Variants in DAB1 observed in about 807,000 individuals in gnomAD.
DAB1 encodes the protein disabled homolog 1.
Under a neutral mutation model 64.6 loss-of-function variants are expected in DAB1, and 15 were observed. That is an observed-to-expected ratio of 0.23 (90% CI 0.16 to 0.36). The LOEUF is 0.36. DAB1 is among the 10% of genes least tolerant of loss of function. The probability of loss-of-function intolerance (pLI) is 1.00; values close to 1 mark genes in which losing one functional copy is unlikely to be tolerated. For missense variants in DAB1, 596 were observed against 706.7 expected (o/e 0.84, Z 1.78); for synonymous variants, 235 against 251.9 (o/e 0.93, Z 0.64).
intron 2 of DAB1, among the ~76,000 whole-genome samples, chr1:57,241,220 C>T (rs1332436775): frequency 6.6e-6 from 1 of 152,140 alleles, no homozygotes; most frequent in Admixed American, 6.5e-5. Context: ...ACCCATCAGT[C>T]AACACAGTTC....
At chr1:58,007,654 G>A (rs762915819) in intron 5 of DAB1, among the ~76,000 whole-genome samples, 4 of 152,206 alleles carry the variant, frequency 2.6e-5, no homozygotes, top group South Asian at 2.1e-4. Context: ...AGGCAGAACA[G>A]TGTGGTCTCT....
intron 5 of DAB1, among the ~76,000 whole-genome samples, chr1:58,064,427 G>A (rs1012399528): frequency 2.6e-5 from 4 of 152,090 alleles, no homozygotes; most frequent in African/African-American, 7.2e-5. Context: ...CCAGCTCTTC[G>A]AAGTGCCCAT....
intron 2 of DAB1, among the ~76,000 whole-genome samples, chr1:58,510,181 A>G (rs1428488665): frequency 1.3e-5 from 2 of 152,140 alleles, no homozygotes; most frequent in African/African-American, 4.8e-5. Context: ...ACACTACAAA[A>G]AAAAATTACG....
intron 2 of DAB1, among the ~76,000 whole-genome samples, chr1:57,196,071 G>C (rs199780993): frequency 6.6e-6 from 1 of 152,142 alleles, no homozygotes; most frequent in African/African-American, 2.4e-5. Flanking sequence ...AGAGTGGGAT[G>C]AAGAAGGGCC....
intron 4 of DAB1, among the ~76,000 whole-genome samples, chr1:58,300,606 AAGAAAGAGAGAG>A (rs1449165457): frequency 8.2e-4 from 31 of 37,990 alleles, no homozygotes; most frequent in South Asian, 1.1e-3. Context: ...GAAAGAAAGA[AAGAAAGAGAGAG>A]AGAGAGAGAG....
At chr1:57,014,007 G>A (rs910510035) in intron 12 of DAB1, among the ~76,000 whole-genome samples, 3 of 152,168 alleles carry the variant, frequency 2.0e-5, no homozygotes, top group Non-Finnish European at 4.4e-5. Flanking sequence ...TGTGGTGGAG[G>A]AGTCAACACC....
chr1:58,123,967 T>G (rs968739752), intron 5 of DAB1, among the ~76,000 whole-genome samples: 1 of 152,090 alleles, frequency 6.6e-6, no homozygotes, highest in Non-Finnish European at 1.5e-5. Context: ...AAGAATTATA[T>G]GAATTGTAGA....
chr1:56,997,150 T>C lies in DAB1; in HGVS notation c.*994A>G, dbSNP rs184394547. ...AATTGTACCAGAATTATTTGGCAAA[T>C]GACTTTTCTTTGAAAATGGCACGTG... is the stretch of plus-strand genomic sequence containing the variant. On this transcript the variant is annotated 3_prime_UTR_variant, in exon 15 of 15. Transcript: ENST00000371236. 5.9e-5 allele frequency: 9 copies of C among 152,330 alleles called. No individual in the cohort carries two copies. Among genetic ancestry groups the C allele is most frequent in the African/African-American group, 2.2e-4 (9 of 41,590 alleles). 9.4% of individuals were successfully genotyped at this position (152,330 alleles called of 1,614,324 possible).
At chr1:57,478,586 C>CTTTTTTTTTTTTTTTTTTT (rs35538831) in intron 7 of DAB1, among the ~76,000 whole-genome samples, 2 of 81,226 alleles carry the variant, frequency 2.5e-5, no homozygotes, top group African/African-American at 5.3e-5. Flanking sequence ...TATTCCCATT[C>CTTTTTTTTTTTTTTTTTTT]TTTTTTTTTT....
chr1:58,394,793 C>T (rs1273205719), intron 3 of DAB1, among the ~76,000 whole-genome samples: 1 of 151,970 alleles, frequency 6.6e-6, no homozygotes, highest in African/African-American at 2.4e-5. Flanking sequence ...ACTTTGGGGG[C>T]CAATGAAAGT....
intron 12 of DAB1, among the ~76,000 whole-genome samples, chr1:57,013,921 C>T (rs1210205294): frequency 6.6e-6 from 1 of 152,160 alleles, no homozygotes; most frequent in Non-Finnish European, 1.5e-5. Context: ...CACTGCTCAT[C>T]CAAGCCAATT....
rs115977410 is a variant in DAB1, at chr1:57,444,174, C to T, written n.626-153008G>A. On this transcript the variant is annotated intron_variant and non_coding_transcript_variant, in intron 7 of 20. Coordinates refer to the DAB1 transcript ENST00000485760. ...CCCTCCAATGGCTTCTCCCCAGGCA[C>T]CTACTCTTATAAACTCTTGATGTTC... Among the ~76,000 whole-genome samples, 760 of 152,244 alleles carry T rather than the reference C, an allele frequency of 5.0e-3. 4 individuals carry two copies. Among genetic ancestry groups the T allele is most frequent in the Middle Eastern group, 6.8e-3 (2 of 294 alleles).
chr1:58,158,496 C>G (rs1655338653), intron 4 of DAB1, among the ~76,000 whole-genome samples: 1 of 152,136 alleles, frequency 6.6e-6, no homozygotes, highest in African/African-American at 2.4e-5. Context: ...CTACCAAAGG[C>G]TGCTCTATCT....
intron 4 of DAB1, among the ~76,000 whole-genome samples, chr1:58,159,953 A>T (rs1655432978): frequency 6.6e-6 from 1 of 152,194 alleles, no homozygotes; most frequent in African/African-American, 2.4e-5. Flanking sequence ...TATCTACTAG[A>T]GACAAATTCC....
At chr1:57,600,237 A>G (rs1236817725) in intron 7 of DAB1, among the ~76,000 whole-genome samples, 1 of 152,198 alleles carries the variant, frequency 6.6e-6, no homozygotes, top group Non-Finnish European at 1.5e-5. Flanking sequence ...CTTGTTCACC[A>G]TCATCTCGCT....
At chr1:57,159,729 G>A (rs905595526) in intron 2 of DAB1, among the ~76,000 whole-genome samples, 1 of 151,764 alleles carries the variant, frequency 6.6e-6, no homozygotes, top group Non-Finnish European at 1.5e-5. Flanking sequence ...GGGCCCAAAG[G>A]TCTCAGGTAC....
At chr1:57,526,062 C>G (rs1033557200) in intron 7 of DAB1, among the ~76,000 whole-genome samples, 7 of 151,824 alleles carry the variant, frequency 4.6e-5, no homozygotes, top group Non-Finnish European at 7.4e-5. Flanking sequence ...CTCAGCCTCC[C>G]AGGTAGCTGG....
rs183585036 is a variant in DAB1 at position 57,278,726 on chromosome 1, G to C, written c.67+12238C>G. Among the ~76,000 whole-genome samples, 20 of 152,280 alleles carry C rather than the reference G, an allele frequency of 1.3e-4. No individual in the cohort carries two copies. In the East Asian group the frequency reaches 3.3e-3, roughly 25 times the overall value. On this transcript the variant is annotated intron_variant, in intron 2 of 14. Transcript: ENST00000371236. Reference sequence around the variant, plus strand: ...AGCAAATCCATGCATGCTCAAAGGGGGGCAAGCAAGGCGATGTGTTCAAAT... The same window carrying C: ...AGCAAATCCATGCATGCTCAAAGGGCGGCAAGCAAGGCGATGTGTTCAAAT...
chr1:57,879,374 A>T lies in DAB1; in HGVS notation n.87+4625T>A, dbSNP rs367658135. 9.2e-5 allele frequency among the ~76,000 whole-genome samples: 14 copies of T among 152,308 alleles called. No individual in the cohort carries two copies. The East Asian group carries it at 2.5e-3, about 27-fold the overall frequency. On this transcript the variant is annotated intron_variant and non_coding_transcript_variant, in intron 1 of 1. Transcript: ENST00000477280. ...CACATGTTGAAGATGATGGTGACAC[A>T]GATAAGATGGGGAAACCTAGCTTTC...
Sources: gnomAD v4.1 joint callset for allele counts (sites outside exome capture counted in the v4.1 genomes callset) on GRCh38, gnomAD v4.1.1 for gene constraint, MANE v1.5 for transcripts, NCBI Gene and HGNC (gene_info 2026-07-23, HGNC 2026-07-21) for gene names.